The following IVNS1ABP variants were observed in gnomAD, a reference collection of about 807,000 sequenced individuals.
IVNS1ABP encodes influenza virus NS1A binding protein, also known as influenza virus NS1A-binding protein.
In IVNS1ABP, 25 loss-of-function variants were observed where a neutral mutation model predicts 78.9. The ratio of observed to expected loss-of-function variants is 0.32; its 90% confidence interval spans 0.23 to 0.44. IVNS1ABP has a LOEUF of 0.44. Ranked by LOEUF, IVNS1ABP falls within the 20% of genes least tolerant of loss-of-function variation. The pLI is 1.00. For synonymous variants in IVNS1ABP, 241 were observed against 259.7 expected (o/e 0.93, Z 0.69); for missense variants, 494 against 768.9 (o/e 0.64, Z 4.23).
intron 8 of IVNS1ABP, chr1:185,301,861 A>G (rs183190349): frequency 9.8e-6 from 2 of 203,492 alleles, no homozygotes; most frequent in Admixed American, 5.4e-5. Context: ...AAACCAATCT[A>G]TAATTATTTT....
intron 1 of IVNS1ABP, among the ~76,000 whole-genome samples, chr1:185,315,992 C>A (rs1448788690): frequency 6.6e-6 from 1 of 152,184 alleles, no homozygotes; most frequent in East Asian, 1.9e-4. Context: ...ATAGATATGT[C>A]CACTACCTAT....
chr1:185,300,695 T>C, intron 10 of IVNS1ABP, 137 bp from the exon 11 acceptor site: 1 of 883,146 alleles, frequency 1.1e-6, no homozygotes, highest in South Asian at 1.8e-5. Context: ...GTTGATCTTT[T>C]AACTAAGTGC....
At chr1:185,315,844 T>C (rs930131585) in intron 1 of IVNS1ABP, among the ~76,000 whole-genome samples, 26 of 152,208 alleles carry the variant, frequency 1.7e-4, no homozygotes, top group African/African-American at 6.3e-4. Flanking sequence ...CATCTATTAG[T>C]AGACAGAAGA....
Position 185,299,981 on chromosome 1 carries a change from G to GA in IVNS1ABP, c.1501+17dup, listed in dbSNP as rs748318749. On this transcript the variant is annotated intron_variant, in intron 13 of 14. Coordinates refer to ENST00000367498, the MANE Select transcript of IVNS1ABP (RefSeq NM_006469.5). Reference sequence around the variant, plus strand: ...TTTGAAGGTCTTTAAAAAAAAAAAGGAAAAAAAATCAACTTACGAATGTTA... The same window carrying GA: ...TTTGAAGGTCTTTAAAAAAAAAAAGGAAAAAAAAATCAACTTACGAATGTTA... The GA allele has an allele frequency of 1.5e-5, 24 of 1,600,728 alleles. No homozygotes were observed. The highest frequency in any genetic ancestry group is 9.1e-5 in the South Asian group (8 of 87,994).
chr1:185,315,080 C>T (rs780092423), intron 1 of IVNS1ABP, among the ~76,000 whole-genome samples: 10 of 152,198 alleles, frequency 6.6e-5, no homozygotes, highest in Non-Finnish European at 1.3e-4. Flanking sequence ...CACACTAGCA[C>T]ATGCACATGA....
At chr1:185,307,870 A>C in intron 5 of IVNS1ABP, 3 of 1,426,980 alleles carry the variant, frequency 2.1e-6, no homozygotes, top group Non-Finnish European at 2.8e-6. Flanking sequence ...GTTTAAGGAG[A>C]GGTACAACAA....
intron 8 of IVNS1ABP, among the ~76,000 whole-genome samples, chr1:185,304,006 G>A (rs1422699948): frequency 3.9e-5 from 6 of 152,148 alleles, no homozygotes; most frequent in African/African-American, 1.4e-4. Context: ...CCAGTCTTAT[G>A]ACCTGCAATT....
chr1:185,304,082 C>T (rs1003000317), intron 8 of IVNS1ABP, among the ~76,000 whole-genome samples: 1 of 152,074 alleles, frequency 6.6e-6, no homozygotes, highest in African/African-American at 2.4e-5. Flanking sequence ...ATGCAGACTC[C>T]TCTAAATCCT....
chr1:185,306,811 TA>T, intron 7 of IVNS1ABP: 7 of 718,388 alleles, frequency 9.7e-6, no homozygotes, highest in Non-Finnish European at 1.5e-5. Flanking sequence ...AGCAAAGAAA[TA>T]AAAAAAGAAA....
At position 185,307,160 on chromosome 1, in the gene IVNS1ABP, G is replaced by A. The variant is rs374375951; in HGVS notation, c.532-21C>T. 8.1e-6 allele frequency: 13 copies of A among 1,612,480 alleles called. No homozygotes were observed. In the African/African-American group the frequency reaches 1.7e-4, roughly 22 times the overall value. ...TCCAACTAGAATTGGGAAAAACAAT[G>A]ACATGGATCAGTGTTGGGCTCCTAG... On this transcript the variant is annotated intron_variant, in intron 6 of 14. Transcript: ENST00000367498.
rs1470335395 is a variant in IVNS1ABP, at chr1:185,317,183, G to A, written c.-477C>T. Reference sequence around the variant, plus strand: ...CGATACAGCCGCGCCGAAGCAGCAGGCGGAGAAACTGCGCCCAGCAGCTCT... The same window carrying A: ...CGATACAGCCGCGCCGAAGCAGCAGACGGAGAAACTGCGCCCAGCAGCTCT... On this transcript the variant is annotated 5_prime_UTR_variant, in exon 1 of 15. Coordinates refer to ENST00000367498, the MANE Select transcript of IVNS1ABP (RefSeq NM_006469.5). 1.0e-4 allele frequency: 41 copies of A among 398,128 alleles called. No individual in the cohort carries two copies. Among genetic ancestry groups the A allele is most frequent in the Non-Finnish European group, 5.3e-5 (12 of 226,008 alleles). The allele number at this position is 398,128 out of a possible 1,614,324, so 24.7% of individuals were successfully genotyped here. A position where few individuals can be genotyped will look rare whatever the true frequency, so the allele number is the denominator to read the frequency against.
chr1:185,301,859 C>T (rs1665610409), intron 8 of IVNS1ABP: 1 of 203,642 alleles, frequency 4.9e-6, no homozygotes, highest in Non-Finnish European at 9.9e-6. Context: ...AAAAACCAAT[C>T]TATAATTATT....
At chr1:185,316,382 G>C (rs989540505) in intron 1 of IVNS1ABP, among the ~76,000 whole-genome samples, 1 of 152,188 alleles carries the variant, frequency 6.6e-6, no homozygotes, top group African/African-American at 2.4e-5. Flanking sequence ...CGTGGAGCGG[G>C]AACAAAGGAC....
chr1:185,300,686 T>C, intron 10 of IVNS1ABP, 128 bp from the exon 11 acceptor site: 1 of 989,646 alleles, frequency 1.0e-6, no homozygotes, highest in Non-Finnish European at 1.5e-6. Flanking sequence ...GATGCCTTAG[T>C]TGATCTTTTA....
chr1:185,298,520 G>T lies in IVNS1ABP; in HGVS notation c.1676-232C>A. ...GAACTTAGGCAACTTAAAAGGGGGA[G>T]GGAGAGGAAGCAGTAGCAGCATCTA... On this transcript the variant is annotated intron_variant, in intron 14 of 14. Coordinates refer to ENST00000367498, the MANE Select transcript of IVNS1ABP (RefSeq NM_006469.5). The surrounding 1 kb of genome is among the most constrained non-coding windows in gnomAD (Gnocchi z 4.1). 1.9e-6 allele frequency: 1 copy of T among 527,480 alleles called. No homozygotes were observed. The highest frequency in any genetic ancestry group is 3.3e-6 in the Non-Finnish European group (1 of 300,414). 32.7% of individuals were successfully genotyped at this position (527,480 alleles called of 1,614,324 possible).
At chr1:185,303,163 G>C (rs1163088911) in intron 8 of IVNS1ABP, among the ~76,000 whole-genome samples, 1 of 152,038 alleles carries the variant, frequency 6.6e-6, no homozygotes. Flanking sequence ...CTGTACTGAA[G>C]TAAAAAAACT....
rs1665428683 is a variant in IVNS1ABP, at chr1:185,296,735, T to C, written c.*1300A>G. 2.0e-5 allele frequency: 3 copies of C among 152,124 alleles called. No homozygotes were observed. Among genetic ancestry groups the C allele is most frequent in the African/African-American group, 4.8e-5 (2 of 41,444 alleles). The allele number at this position is 152,124 out of a possible 1,614,324, so 9.4% of individuals were successfully genotyped here. ...GCCCATTAGGTTCCTGTGTGCTTCATCTTCTGTGAGAAAAAAAAACCTTAT... is the reference window on the plus strand; with the variant it reads ...GCCCATTAGGTTCCTGTGTGCTTCACCTTCTGTGAGAAAAAAAAACCTTAT... On this transcript the variant is annotated 3_prime_UTR_variant, in exon 15 of 15. Transcript: ENST00000367498.
rs1665810337 is a variant in IVNS1ABP, at chr1:185,308,835, C to T, written c.322G>A (p.Ala108Thr). The T allele has an allele frequency of 6.2e-7, 1 of 1,609,998 alleles. No homozygotes were observed. Among genetic ancestry groups the T allele is most frequent in the Admixed American group, 1.7e-5 (1 of 59,852 alleles). The change falls in exon 5 of 15, where the codon GCA becomes ACA. Residue 108 changes from alanine (A) to threonine (T), a missense_variant. Transcript: ENST00000367498. ...DKELVKDVYS[A>T]AKKLKMDRVK... ...CGATCCATCTTCAGCTTTTTTGCTG[C>T]AGAATAAACATCTTTTACCAATTCC...
rs564248908 is a variant in IVNS1ABP, at chr1:185,306,518, A to T, written c.657+496T>A. On this transcript the variant is annotated intron_variant, in intron 7 of 14. Transcript: ENST00000367498. The stretch of plus-strand genomic sequence containing the variant: ...CATCATCGTTCTCTGCCCACAGCGG[A>T]TTTTTCTTAGGAGAACTGGGGCAGG... 5.2e-5 allele frequency: 67 copies of T among 1,289,354 alleles called. No individual in the cohort carries two copies. The South Asian group carries it at 7.7e-4, about 15-fold the overall frequency. 79.9% of individuals were successfully genotyped at this position (1,289,354 alleles called of 1,614,324 possible). A position where few individuals can be genotyped will look rare whatever the true frequency, so the allele number is the denominator to read the frequency against.
Sources: allele counts gnomAD v4.1 joint callset (sites outside exome capture counted in the v4.1 genomes callset), GRCh38; gene constraint gnomAD v4.1.1; non-coding constraint Gnocchi (gnomAD v3.1); transcripts MANE v1.5; gene names NCBI Gene and HGNC (gene_info 2026-07-23, HGNC 2026-07-21).